The following PLA2G4E variants were observed in gnomAD, a reference collection of about 807,000 sequenced individuals.
PLA2G4E encodes the protein cytosolic phospholipase A2 epsilon.
Under a neutral mutation model 109.1 loss-of-function variants are expected in PLA2G4E, and 84 were observed. That is an observed-to-expected ratio of 0.77 (90% confidence interval 0.65 to 0.92). The LOEUF is 0.92. Ranked by LOEUF, PLA2G4E falls within the 40% of genes least tolerant of loss-of-function variation. PLA2G4E has a pLI of 0.00. For synonymous variants in PLA2G4E, 469 were observed against 436.1 expected (o/e 1.08, Z -0.94); for missense variants, 1,057 against 1,076.6 (o/e 0.98, Z 0.25).
At chr15:42,026,146 A>T (rs1043963820) in intron 1 of PLA2G4E, among the ~76,000 whole-genome samples, 17 of 151,664 alleles carry the variant, frequency 1.1e-4, no homozygotes, top group Middle Eastern at 3.4e-3. Context: ...AAATCACTTT[A>T]AAAAAAAAGA....
chr15:42,013,859 G>T, intron 1 of PLA2G4E, 102 bp from the exon 2 acceptor site: 4 of 686,884 alleles, frequency 5.8e-6, no homozygotes, highest in Non-Finnish European at 9.4e-6. Flanking sequence ...CGGCCCAGTT[G>T]CATTACAACA....
intron 13 of PLA2G4E, among the ~76,000 whole-genome samples, chr15:41,991,966 G>A (rs1241968582): frequency 6.6e-6 from 1 of 152,186 alleles, no homozygotes. Flanking sequence ...AGATCCCTGT[G>A]CTGTGCCATG....
chr15:42,024,713 TGAGCTTTAGAA>T (rs1457986099), intron 1 of PLA2G4E, among the ~76,000 whole-genome samples: 1 of 152,128 alleles, frequency 6.6e-6, no homozygotes, highest in Non-Finnish European at 1.5e-5. Flanking sequence ...CTACAGCTTG[TGAGCTTTAGAA>T]ACACTCCCTT....
chr15:42,033,375 A>G (rs1889149390), intron 1 of PLA2G4E, among the ~76,000 whole-genome samples: 1 of 152,154 alleles, frequency 6.6e-6, no homozygotes. Context: ...TCAGTGCCAC[A>G]CTGTTGGTTT....
intron 1 of PLA2G4E, among the ~76,000 whole-genome samples, chr15:42,020,150 C>T (rs1247567215): frequency 6.6e-6 from 1 of 152,230 alleles, no homozygotes; most frequent in African/African-American, 2.4e-5. Context: ...GGAGACTGAA[C>T]AGGGTCTTCA....
rs185886386 is a variant in PLA2G4E at position 42,038,472 on chromosome 15, C to T, written c.183+12049G>A. On this transcript the variant is annotated intron_variant, in intron 1 of 19. Transcript: ENST00000399518. ...TGGGAGACAGTGACAGATCATCAGG[C>T]ATTAGATTCTCACAAGGAGCGTGCA... Among the ~76,000 whole-genome samples the T allele has an allele frequency of 9.3e-4, 142 of 152,368 alleles. 1 individual carries two copies. The highest frequency in any genetic ancestry group is 3.3e-3 in the African/African-American group (137 of 41,590).
intron 1 of PLA2G4E, among the ~76,000 whole-genome samples, chr15:42,035,799 C>A (rs1412669969): frequency 1.3e-5 from 2 of 152,144 alleles, no homozygotes; most frequent in Admixed American, 6.5e-5. Context: ...TTATTATTCT[C>A]TATACATTTT....
At chr15:42,038,563 G>C (rs1889258608) in intron 1 of PLA2G4E, among the ~76,000 whole-genome samples, 1 of 152,196 alleles carries the variant, frequency 6.6e-6, no homozygotes, top group African/African-American at 2.4e-5. Flanking sequence ...TAACGGCATT[G>C]CTGATCTGAC....
At chr15:42,004,938 C>T (rs1295946998) in exon 5 of PLA2G4E, 1 of 1,613,294 alleles carries the variant, frequency 6.2e-7, no homozygotes, top group Non-Finnish European at 8.5e-7. Flanking sequence ...GCCTACTCAC[C>T]TCTCCTCCAG....
intron 1 of PLA2G4E, among the ~76,000 whole-genome samples, chr15:42,046,597 A>G (rs2141080365): frequency 6.6e-6 from 1 of 152,318 alleles, no homozygotes; most frequent in African/African-American, 2.4e-5. Context: ...AATAGCACCA[A>G]TATCAGAAAT....
intron 11 of PLA2G4E, among the ~76,000 whole-genome samples, chr15:41,996,376 AAAAG>A (rs2068340976): frequency 7.1e-6 from 1 of 140,882 alleles, no homozygotes; most frequent in Admixed American, 7.0e-5. Flanking sequence ...AAAAAAAAAA[AAAAG>A]GAGGGAGGAA....
intron 1 of PLA2G4E, among the ~76,000 whole-genome samples, chr15:42,026,115 A>C (rs1162064585): frequency 6.6e-6 from 1 of 152,184 alleles, no homozygotes; most frequent in Non-Finnish European, 1.5e-5. Flanking sequence ...TTCCCCTCTT[A>C]ATAAATATTC....
intron 1 of PLA2G4E, among the ~76,000 whole-genome samples, chr15:42,031,818 T>C (rs1464638974): frequency 6.6e-6 from 1 of 152,208 alleles, no homozygotes; most frequent in Non-Finnish European, 1.5e-5. Flanking sequence ...GGGTTTCTCC[T>C]AGTTCCACTG....
At chr15:41,990,401 C>A (rs2068224045) in intron 13 of PLA2G4E, among the ~76,000 whole-genome samples, 166 bp from the exon 14 acceptor site, 1 of 152,286 alleles carries the variant, frequency 6.6e-6, no homozygotes, top group Non-Finnish European at 1.5e-5. Context: ...TCTGAAAGGG[C>A]ACCAATGGCA....
intron 2 of PLA2G4E, among the ~76,000 whole-genome samples, chr15:42,009,482 T>C (rs1020790360): frequency 6.6e-6 from 1 of 152,174 alleles, no homozygotes; most frequent in African/African-American, 2.4e-5. Flanking sequence ...TTTTTAGATA[T>C]GACCATGCCA....
chr15:42,000,914 G>A (rs1488844722), intron 7 of PLA2G4E, among the ~76,000 whole-genome samples: 2 of 152,172 alleles, frequency 1.3e-5, no homozygotes, highest in African/African-American at 4.8e-5. Flanking sequence ...GCAGCACTGG[G>A]ACCCCAGACC....
intron 6 of PLA2G4E, among the ~76,000 whole-genome samples, chr15:42,002,115 G>T (rs1218244580): frequency 6.6e-6 from 1 of 152,022 alleles, no homozygotes; most frequent in East Asian, 1.9e-4. Context: ...TTTGAAACCA[G>T]CCTGGGCAAC....
chr15:42,021,205 C>T (rs960977596), intron 1 of PLA2G4E, among the ~76,000 whole-genome samples, 163 bp from the exon 1 acceptor site: 6 of 151,754 alleles, frequency 4.0e-5, no homozygotes, highest in African/African-American at 1.5e-4. Flanking sequence ...CACAGGTCTT[C>T]AGGTCATAGA....
At chr15:42,042,947 T>C (rs1889341351) in intron 1 of PLA2G4E, among the ~76,000 whole-genome samples, 1 of 152,226 alleles carries the variant, frequency 6.6e-6, no homozygotes, top group African/African-American at 2.4e-5. Flanking sequence ...TAGACTGATA[T>C]TGTGCCTGAC....
Sources: allele counts gnomAD v4.1 joint callset (sites outside exome capture counted in the v4.1 genomes callset), GRCh38; gene constraint gnomAD v4.1.1; transcripts MANE v1.5; gene names NCBI Gene and HGNC (gene_info 2026-07-23, HGNC 2026-07-21).